CTNNA3: variants seen among roughly 807,000 people sequenced by gnomAD.
CTNNA3 encodes the protein catenin alpha 3.
In CTNNA3, 76 loss-of-function variants were observed where a neutral mutation model predicts 95.7. The observed-to-expected ratio is 0.79, with a 90% CI of 0.66 to 0.96. The LOEUF (loss-of-function observed/expected upper bound fraction) is 0.96. CTNNA3 is among the 40% of genes least tolerant of loss of function. The probability of loss-of-function intolerance (pLI) is 0.00; values close to 1 mark genes in which losing one functional copy is unlikely to be tolerated. For missense variants in CTNNA3, 1,191 were observed against 1,089.8 expected, an observed-to-expected ratio of 1.09 and a Z score of -1.31; for synonymous variants, 431 against 374.4, an observed-to-expected ratio of 1.15 and a Z score of -1.74.
chr10:66,512,050 C>T (rs1038621757), intron 11 of CTNNA3, among the ~76,000 whole-genome samples: 1 of 151,862 alleles, frequency 6.6e-6, no homozygotes, highest in Non-Finnish European at 1.5e-5. Flanking sequence ...TATCTGAGTG[C>T]TCTGGTGTTC....
intron 5 of CTNNA3, among the ~76,000 whole-genome samples, chr10:67,425,530 G>GA (rs763327660): frequency 1.3e-4 from 19 of 150,068 alleles, no homozygotes; most frequent in Admixed American, 2.0e-4. Flanking sequence ...TTTTGAAGAG[G>GA]AAAAAAAAAC....
intron 2 of CTNNA3, among the ~76,000 whole-genome samples, chr10:67,639,522 CTGATACCAAAG>C (rs1184947694): frequency 9.9e-5 from 15 of 152,176 alleles, no homozygotes; most frequent in Admixed American, 9.2e-4. Context: ...CAGCATCATC[CTGATACCAAAG>C]CCTGGCAGAG....
At chr10:67,144,543 C>CA (rs1184465790) in intron 7 of CTNNA3, among the ~76,000 whole-genome samples, 1 of 152,208 alleles carries the variant, frequency 6.6e-6, no homozygotes, top group East Asian at 1.9e-4. Context: ...TAACTTACTA[C>CA]AGCTTTTACA....
intron 1 of CTNNA3, among the ~76,000 whole-genome samples, chr10:67,676,166 G>C (rs1429126599): frequency 6.6e-6 from 1 of 151,932 alleles, no homozygotes; most frequent in Non-Finnish European, 1.5e-5. Flanking sequence ...AATGATACAG[G>C]CTGGCAAAGA....
intron 6 of CTNNA3, among the ~76,000 whole-genome samples, chr10:67,198,767 T>C (rs1863496935): frequency 6.6e-6 from 1 of 152,232 alleles, no homozygotes; most frequent in African/African-American, 2.4e-5. Context: ...CATTTTACAC[T>C]GTTTGGATCT....
intron 5 of CTNNA3, among the ~76,000 whole-genome samples, chr10:67,420,359 C>T (rs1845706032): frequency 6.6e-6 from 1 of 152,050 alleles, no homozygotes; most frequent in African/African-American, 2.4e-5. Flanking sequence ...AAAAACTTTG[C>T]AGCAATAAGT....
chr10:67,722,913 A>G (rs1315410191), intron 1 of CTNNA3, among the ~76,000 whole-genome samples: 2 of 152,168 alleles, frequency 1.3e-5, no homozygotes, highest in Non-Finnish European at 2.9e-5. Context: ...TGATAAAGAA[A>G]CACTCTATAA....
At chr10:66,066,425 G>GAGAGAGAAACAGAGACAGAGAGAA in intron 15 of CTNNA3, among the ~76,000 whole-genome samples, 1 of 152,076 alleles carries the variant, frequency 6.6e-6, no homozygotes, top group Admixed American at 6.6e-5. Context: ...TGTGGAGAAA[G>GAGAGAGAAACAGAGACAGAGAGAA]AGAGAGAAAC....
At chr10:66,425,716 A>G (rs2093234877) in intron 11 of CTNNA3, among the ~76,000 whole-genome samples, 1 of 152,078 alleles carries the variant, frequency 6.6e-6, no homozygotes, top group South Asian at 2.1e-4. Flanking sequence ...ACACACACAT[A>G]TATATTCACA....
chr10:66,312,734 A>T (rs915185037), intron 12 of CTNNA3, among the ~76,000 whole-genome samples: 3 of 152,080 alleles, frequency 2.0e-5, no homozygotes, highest in African/African-American at 7.2e-5. Flanking sequence ...TTTAGTAAAG[A>T]CAGGGTTTCA....
intron 2 of CTNNA3, among the ~76,000 whole-genome samples, chr10:67,609,925 T>A (rs1259727208): frequency 6.6e-6 from 1 of 152,214 alleles, no homozygotes; most frequent in Non-Finnish European, 1.5e-5. Flanking sequence ...ATGGATTATA[T>A]AAGAATAATA....
chr10:66,659,818 C>T (rs1454078246), intron 9 of CTNNA3, among the ~76,000 whole-genome samples: 1 of 152,122 alleles, frequency 6.6e-6, no homozygotes, highest in Non-Finnish European at 1.5e-5. Flanking sequence ...ACTTCCCAAC[C>T]TCCAGAACTG....
At chr10:67,365,638 C>A (rs1843182947) in intron 5 of CTNNA3, among the ~76,000 whole-genome samples, 1 of 152,192 alleles carries the variant, frequency 6.6e-6, no homozygotes, top group Non-Finnish European at 1.5e-5. Context: ...CTCATCATCA[C>A]TGGTCATCAG....
chr10:66,901,468 T>C (rs1330570145), intron 7 of CTNNA3, among the ~76,000 whole-genome samples: 2 of 152,078 alleles, frequency 1.3e-5, no homozygotes, highest in Non-Finnish European at 2.9e-5. Flanking sequence ...ACCACATCAA[T>C]TAACAGGTAA....
rs567113714 is a variant in CTNNA3, at chr10:67,232,305, C to T, written c.580-12435G>A. Reference sequence around the variant, plus strand: ...AAAGGGAAGCCCATCAGACTAACAGCGGATCTCTCAGCAGAAACTCTACAA... The same window carrying T: ...AAAGGGAAGCCCATCAGACTAACAGTGGATCTCTCAGCAGAAACTCTACAA... On this transcript the variant is annotated intron_variant, in intron 5 of 17. Transcript: ENST00000433211. 2.3e-4 allele frequency among the ~76,000 whole-genome samples: 35 copies of T among 152,156 alleles called. 1 individual carries two copies. Among genetic ancestry groups the T allele is most frequent in the African/African-American group, 8.4e-4 (35 of 41,504 alleles).
chr10:67,407,177 CT>C (rs1218250436), intron 5 of CTNNA3, among the ~76,000 whole-genome samples: 12 of 152,152 alleles, frequency 7.9e-5, no homozygotes, highest in Admixed American at 7.9e-4. Flanking sequence ...CAACAAAATA[CT>C]GGCAAACTGA....
At chr10:66,067,627 A>C (rs1282050912) in intron 15 of CTNNA3, among the ~76,000 whole-genome samples, 1 of 151,942 alleles carries the variant, frequency 6.6e-6, no homozygotes, top group Non-Finnish European at 1.5e-5. Flanking sequence ...CCTTTATTCA[A>C]AAAAGTTTGG....
intron 16 of CTNNA3, among the ~76,000 whole-genome samples, chr10:65,986,555 G>T (rs2078432186): frequency 6.6e-6 from 1 of 151,290 alleles, no homozygotes; most frequent in Non-Finnish European, 1.5e-5. Flanking sequence ...ATTGATAAAA[G>T]AAATTGAAGA....
chr10:67,605,163 T>G (rs1843221673), intron 3 of CTNNA3, among the ~76,000 whole-genome samples: 1 of 152,176 alleles, frequency 6.6e-6, no homozygotes, highest in Non-Finnish European at 1.5e-5. Context: ...GATGAATCGA[T>G]AAAGAAATTG....
Sources: gnomAD v4.1 joint callset for allele counts (sites outside exome capture counted in the v4.1 genomes callset) on GRCh38, gnomAD v4.1.1 for gene constraint, MANE v1.5 for transcripts, NCBI Gene and HGNC (gene_info 2026-07-23, HGNC 2026-07-21) for gene names.